ANKRD31: variants seen among roughly 807,000 people sequenced by gnomAD.
The protein encoded by ANKRD31 is ankyrin repeat domain-containing protein 31.
A neutral mutation model predicts 186.0 loss-of-function variants in ANKRD31; 147 were observed. The ratio of observed to expected loss-of-function variants is 0.79; its 90% CI spans 0.69 to 0.91. The LOEUF (loss-of-function observed/expected upper bound fraction) is 0.91. Ranked by LOEUF, ANKRD31 falls within the 40% of genes least tolerant of loss-of-function variation. ANKRD31 has a pLI of 0.00. For synonymous variants in ANKRD31, 673 were observed against 736.4 expected, an observed-to-expected ratio of 0.91 and a Z score of 1.39; for missense variants, 1,986 against 2,148.8, an observed-to-expected ratio of 0.92 and a Z score of 1.50.
At chr5:75,089,433 C>T (rs1285027303) in intron 23 of ANKRD31, among the ~76,000 whole-genome samples, 3 of 152,298 alleles carry the variant, frequency 2.0e-5, no homozygotes, top group African/African-American at 7.2e-5. Context: ...TCCCATACCA[C>T]CCCCACCACT....
At chr5:75,123,272 G>A (rs996718829) in intron 17 of ANKRD31, among the ~76,000 whole-genome samples, 17 of 151,564 alleles carry the variant, frequency 1.1e-4, no homozygotes, top group East Asian at 1.9e-4. Flanking sequence ...AATACAACAC[G>A]GATGAAAGAA....
At chr5:75,186,198 G>T (rs1423720226) in intron 10 of ANKRD31, among the ~76,000 whole-genome samples, 3 of 152,096 alleles carry the variant, frequency 2.0e-5, no homozygotes, top group Non-Finnish European at 4.4e-5. Flanking sequence ...CAAATCTGCA[G>T]GTTGGGAGAT....
chr5:75,192,640 T>C (rs1755190367), intron 9 of ANKRD31, 27 bp downstream of exon 9: 9 of 1,433,890 alleles, frequency 6.3e-6, no homozygotes, highest in East Asian at 2.5e-5. Context: ...GTAAAAGAAA[T>C]AGAAAAATAC....
intron 17 of ANKRD31, among the ~76,000 whole-genome samples, chr5:75,119,869 T>C (rs917964798): frequency 6.6e-6 from 1 of 152,208 alleles, no homozygotes; most frequent in African/African-American, 2.4e-5. Flanking sequence ...TTTTTTCATA[T>C]GTTTGTTGGC....
At chr5:75,081,795 C>A (rs994222866) in intron 24 of ANKRD31, among the ~76,000 whole-genome samples, 1 of 151,802 alleles carries the variant, frequency 6.6e-6, no homozygotes, top group African/African-American at 2.4e-5. Flanking sequence ...TTTAGCAATT[C>A]CAATTCCACC....
chr5:75,169,131 A>C lies in ANKRD31; in HGVS notation c.1565-10T>G. On this transcript the variant is annotated splice_polypyrimidine_tract_variant and intron_variant, in intron 10 of 25. Transcript: ENST00000506364. ...TGAAGTGCTGTCCAACCTATCATAC[A>C]AAAAGATACGGCATTTGTTTACATT... 1 of 1,532,004 alleles carries C rather than the reference A, an allele frequency of 6.5e-7. No homozygotes were observed. Among genetic ancestry groups the C allele is most frequent in the East Asian group, 2.5e-5 (1 of 40,724 alleles). The allele number at this position is 1,532,004 out of a possible 1,614,324, so 94.9% of individuals were successfully genotyped here.
chr5:75,228,390 G>A, intron 2 of ANKRD31, among the ~76,000 whole-genome samples: 1 of 152,158 alleles, frequency 6.6e-6, no homozygotes, highest in East Asian at 1.9e-4. Flanking sequence ...GTATGTAGCT[G>A]TTGAATGTAG....
chr5:75,109,381 T>G (rs1463431590), intron 20 of ANKRD31, among the ~76,000 whole-genome samples: 1 of 152,186 alleles, frequency 6.6e-6, no homozygotes, highest in East Asian at 1.9e-4. Context: ...CTCAGATCCC[T>G]CAGCCAGATC....
intron 10 of ANKRD31, among the ~76,000 whole-genome samples, chr5:75,181,872 C>T (rs892333917): frequency 7.8e-5 from 11 of 140,704 alleles, no homozygotes; most frequent in Admixed American, 7.7e-4. Flanking sequence ...TACCCTAAAA[C>T]TTAAAAGTAT....
rs561105420 is a variant in ANKRD31 at position 75,236,413 on chromosome 5, T to G, written c.104+170A>C. Among the ~76,000 whole-genome samples, 6 of 152,286 alleles carry G rather than the reference T, an allele frequency of 3.9e-5. No homozygotes were observed. The South Asian group carries it at 1.2e-3, about 32-fold the overall frequency. On this transcript the variant is annotated intron_variant, in intron 1 of 25. Transcript: ENST00000506364. Reference sequence around the variant, plus strand: ...GGGGGTAGGTGGGAACAGACTGTGTTTGCTTATTTACAAGCTCTCAGCTCA... The same window carrying G: ...GGGGGTAGGTGGGAACAGACTGTGTGTGCTTATTTACAAGCTCTCAGCTCA...
chr5:75,197,092 G>C (rs1413522179), intron 6 of ANKRD31, among the ~76,000 whole-genome samples: 1 of 151,924 alleles, frequency 6.6e-6, no homozygotes, highest in Non-Finnish European at 1.5e-5. Context: ...AGGAGAGATG[G>C]GGTTTCACCA....
intron 10 of ANKRD31, among the ~76,000 whole-genome samples, chr5:75,176,344 G>GT (rs1753796957): frequency 6.6e-6 from 1 of 152,202 alleles, no homozygotes; most frequent in South Asian, 2.1e-4. Flanking sequence ...CATAACCTCT[G>GT]CAGACTTAAA....
At chr5:75,186,998 AGTGTGTGTGTGTATGAGACACAGAGT>A (rs1288700213) in intron 10 of ANKRD31, among the ~76,000 whole-genome samples, 2 of 148,840 alleles carry the variant, frequency 1.3e-5, no homozygotes, top group Admixed American at 6.7e-5. Context: ...TGAGAGAGTG[AGTGTGTGTGTGTATGAGACACAGAGT>A]GTGTGTGTGT....
intron 2 of ANKRD31, among the ~76,000 whole-genome samples, chr5:75,227,058 TA>T (rs1454959572): frequency 6.6e-6 from 1 of 151,758 alleles, no homozygotes; most frequent in Non-Finnish European, 1.5e-5. Context: ...GATGAATGGA[TA>T]AAGGAAATGT....
intron 17 of ANKRD31, among the ~76,000 whole-genome samples, chr5:75,125,512 A>G (rs1396597348): frequency 6.6e-6 from 1 of 152,176 alleles, no homozygotes; most frequent in Non-Finnish European, 1.5e-5. Flanking sequence ...TATTTCAAAC[A>G]TTATATGGAG....
At chr5:75,202,159 T>C (rs6864485) in intron 5 of ANKRD31, among the ~76,000 whole-genome samples, 77,309 of 152,138 alleles carry the variant, frequency 0.51, 22,713 homozygotes, top group African/African-American at 0.82. Flanking sequence ...TTCTCAGAGT[T>C]TCCTGACGGC....
intron 10 of ANKRD31, among the ~76,000 whole-genome samples, chr5:75,171,138 A>T (rs966145730): frequency 2.6e-5 from 4 of 152,120 alleles, no homozygotes; most frequent in Admixed American, 2.6e-4. Context: ...CCTAGCTGAA[A>T]TTTATAAAAC....
chr5:75,154,219 G>T lies in ANKRD31; in HGVS notation c.1834C>A (p.Gln612Lys), dbSNP rs1172306644. Residue 612 changes from glutamine (Q) to lysine (K), a missense_variant, in exon 12 of 26, where the codon CAA becomes AAA. Coordinates refer to ENST00000506364, the MANE Select transcript of ANKRD31 (RefSeq NM_001372053.1). ...RLLERYIPKH[Q>K]KCLTSAQRSS... Reference sequence around the variant, plus strand: ...ATCTTACCTGATGTAAGGCATTTTTGATGTTTAGGGATATATCTCTCAAGG... The same window carrying T: ...ATCTTACCTGATGTAAGGCATTTTTTATGTTTAGGGATATATCTCTCAAGG... The T allele has an allele frequency of 6.6e-7, 1 of 1,518,036 alleles. No homozygotes were observed. The highest frequency in any genetic ancestry group is 8.8e-7 in the Non-Finnish European group (1 of 1,137,562). 94.0% of individuals were successfully genotyped at this position (1,518,036 alleles called of 1,614,324 possible). A position where few individuals can be genotyped will look rare whatever the true frequency, so the allele number is the denominator to read the frequency against.
intron 23 of ANKRD31, among the ~76,000 whole-genome samples, chr5:75,090,991 A>C (rs1046711594): frequency 6.6e-6 from 1 of 152,210 alleles, no homozygotes; most frequent in African/African-American, 2.4e-5. Flanking sequence ...AAGTTCTGAG[A>C]CTAGATAAGG....
Sources: gnomAD v4.1 joint callset for allele counts (sites outside exome capture counted in the v4.1 genomes callset) on GRCh38, gnomAD v4.1.1 for gene constraint, MANE v1.5 for transcripts, NCBI Gene and HGNC (gene_info 2026-07-23, HGNC 2026-07-21) for gene names.